Variants in TRHDE observed in about 807,000 individuals in gnomAD.
TRHDE encodes thyrotropin releasing hormone degrading enzyme.
A neutral mutation model predicts 125.7 loss-of-function variants in TRHDE; 72 were observed. That is an observed-to-expected ratio of 0.57 (90% confidence interval 0.47 to 0.70). The LOEUF (loss-of-function observed/expected upper bound fraction) is 0.70, where lower values mean the gene tolerates loss of function less well. Among genes scored for constraint, TRHDE ranks in the 30% least tolerant of loss-of-function variants. The probability of loss-of-function intolerance (pLI) is 0.00; values close to 1 mark genes in which losing one functional copy is unlikely to be tolerated. For missense variants in TRHDE, 1,110 were observed against 1,327.1 expected, an observed-to-expected ratio of 0.84 and a Z score of 2.54; for synonymous variants, 509 against 509.1, an observed-to-expected ratio of 1.00 and a Z score of 0.00.
chr12:72,655,816 C>G (rs1192535866), intron 17 of TRHDE, among the ~76,000 whole-genome samples: 1 of 152,148 alleles, frequency 6.6e-6, no homozygotes. Flanking sequence ...AAAATGATCA[C>G]TTACATTATT....
chr12:72,328,257 A>G (rs1213997280), intron 2 of TRHDE, among the ~76,000 whole-genome samples: 3 of 152,220 alleles, frequency 2.0e-5, no homozygotes, highest in Non-Finnish European at 4.4e-5. Context: ...TGGGCTAGGC[A>G]TTCAAGGACA....
chr12:72,536,383 A>G (rs1868859551), intron 6 of TRHDE, among the ~76,000 whole-genome samples: 2 of 152,132 alleles, frequency 1.3e-5, no homozygotes, highest in African/African-American at 4.8e-5. Context: ...TTCAGACCAC[A>G]TTACAATTGA....
intron 5 of TRHDE, among the ~76,000 whole-genome samples, chr12:72,484,459 C>A (rs558182904): frequency 1.3e-5 from 2 of 152,074 alleles, no homozygotes; most frequent in Admixed American, 1.3e-4. Flanking sequence ...GAAGAGAAAG[C>A]AAGTATTCCC....
chr12:72,511,893 G>C (rs1345696174), intron 6 of TRHDE, among the ~76,000 whole-genome samples: 1 of 152,124 alleles, frequency 6.6e-6, no homozygotes, highest in Non-Finnish European at 1.5e-5. Flanking sequence ...ATAGGTAGCA[G>C]GTTATTGAAT....
chr12:72,389,575 A>T (rs1872550978), intron 3 of TRHDE, among the ~76,000 whole-genome samples: 1 of 152,174 alleles, frequency 6.6e-6, no homozygotes, highest in Non-Finnish European at 1.5e-5. Context: ...TGGCTTGCAG[A>T]TGGCAGCCTC....
At chr12:72,196,174 G>A (rs2139351920) in intron 2 of TRHDE, among the ~76,000 whole-genome samples, 1 of 152,220 alleles carries the variant, frequency 6.6e-6, no homozygotes, top group Middle Eastern at 3.4e-3. Context: ...CTCTCACTTT[G>A]TTCTTTTTGC....
chr12:72,459,347 G>T (rs1046027662), intron 3 of TRHDE, among the ~76,000 whole-genome samples: 2 of 152,282 alleles, frequency 1.3e-5, no homozygotes, highest in Non-Finnish European at 2.9e-5. Flanking sequence ...TATAGTCACA[G>T]GTTCCAGGAA....
intron 2 of TRHDE, among the ~76,000 whole-genome samples, chr12:72,357,318 T>C (rs866791056): frequency 2.0e-5 from 3 of 151,594 alleles, no homozygotes; most frequent in African/African-American, 7.2e-5. Flanking sequence ...TTTTTACTTG[T>C]TCATTCTATG....
At chr12:72,315,787 G>A (rs1868773232) in intron 2 of TRHDE, among the ~76,000 whole-genome samples, 1 of 152,168 alleles carries the variant, frequency 6.6e-6, no homozygotes. Context: ...TGATCAGCCT[G>A]TTGGTACTGA....
chr12:72,342,245 A>G (rs1027053567), intron 2 of TRHDE, among the ~76,000 whole-genome samples: 1 of 152,156 alleles, frequency 6.6e-6, no homozygotes, highest in Non-Finnish European at 1.5e-5. Flanking sequence ...CCTTTTTGCT[A>G]GATTGGCAAA....
At chr12:72,330,038 C>T (rs1869514731) in intron 2 of TRHDE, among the ~76,000 whole-genome samples, 1 of 152,178 alleles carries the variant, frequency 6.6e-6, no homozygotes, top group African/African-American at 2.4e-5. Flanking sequence ...GCCCATTTCC[C>T]TCCTCATGCC....
chr12:72,180,737 C>T (rs778148080), intron 2 of TRHDE, among the ~76,000 whole-genome samples: 27 of 152,018 alleles, frequency 1.8e-4, no homozygotes, highest in Admixed American at 7.2e-4. Flanking sequence ...TTCAGGCTAC[C>T]CCATGCAAAC....
chr12:72,543,843 G>A (rs894586599), intron 7 of TRHDE, among the ~76,000 whole-genome samples: 8 of 144,230 alleles, frequency 5.5e-5, no homozygotes, highest in Non-Finnish European at 1.2e-4. Flanking sequence ...GAACGTTTTT[G>A]TTCATCCTGT....
At chr12:72,355,261 G>A (rs977594059) in intron 2 of TRHDE, among the ~76,000 whole-genome samples, 3 of 151,494 alleles carry the variant, frequency 2.0e-5, no homozygotes, top group African/African-American at 7.3e-5. Context: ...GATAGTAAAA[G>A]TTAATTCAGA....
intron 2 of TRHDE, among the ~76,000 whole-genome samples, chr12:72,343,999 ATAT>A (rs1401210006): frequency 2.0e-5 from 3 of 147,230 alleles, no homozygotes; most frequent in African/African-American, 5.1e-5. Context: ...TTATATATAT[ATAT>A]TATTTTTCAC....
chr12:72,233,070 A>C (rs1878277687), intron 2 of TRHDE, among the ~76,000 whole-genome samples: 1 of 152,186 alleles, frequency 6.6e-6, no homozygotes. Context: ...TAAGTGAATG[A>C]GAAGTGATGG....
intron 2 of TRHDE, among the ~76,000 whole-genome samples, chr12:72,354,413 G>A (rs540587723): frequency 9.9e-5 from 15 of 151,024 alleles, no homozygotes; most frequent in Non-Finnish European, 2.2e-4. Context: ...ACAGACCACT[G>A]GTAAAAGTAT....
intron 7 of TRHDE, among the ~76,000 whole-genome samples, chr12:72,544,695 G>C (rs180994019): frequency 1.3e-5 from 2 of 150,838 alleles, no homozygotes; most frequent in East Asian, 3.9e-4. Flanking sequence ...GTGTTCTCTT[G>C]CAATTTATGT....
intron 2 of TRHDE, among the ~76,000 whole-genome samples, chr12:72,207,933 C>T (rs763079980): frequency 6.6e-6 from 1 of 152,166 alleles, no homozygotes; most frequent in Non-Finnish European, 1.5e-5. Context: ...GCTTTTGTCT[C>T]TGATGTCAGC....
Sources: allele counts gnomAD v4.1 joint callset (sites outside exome capture counted in the v4.1 genomes callset), GRCh38; gene constraint gnomAD v4.1.1; transcripts MANE v1.5; gene names NCBI Gene and HGNC (gene_info 2026-07-23, HGNC 2026-07-21).